The following ADGRV1 variants were observed in gnomAD, a reference collection of about 807,000 sequenced individuals.
The protein encoded by ADGRV1 is adhesion G protein-coupled receptor V1.
A neutral mutation model predicts 596.2 loss-of-function variants in ADGRV1; 359 were observed. The ratio of observed to expected loss-of-function variants is 0.60; its 90% CI spans 0.55 to 0.66. The LOEUF (loss-of-function observed/expected upper bound fraction) is 0.66. Ranked by LOEUF, ADGRV1 falls within the 30% of genes least tolerant of loss-of-function variation. The pLI, the probability that ADGRV1 is intolerant of heterozygous loss-of-function variation, is 0.00. For synonymous variants in ADGRV1, 2,681 were observed against 2,679.2 expected, an observed-to-expected ratio of 1.00 and a Z score of -0.02; for missense variants, 7,274 against 7,575.6, an observed-to-expected ratio of 0.96 and a Z score of 1.48.
intron 87 of ADGRV1, among the ~76,000 whole-genome samples, chr5:91,114,810 C>T (rs1283215422): frequency 1.3e-5 from 2 of 152,182 alleles, no homozygotes; most frequent in African/African-American, 4.8e-5. Flanking sequence ...CATAGCCTTT[C>T]CTCTCATGCA....
intron 37 of ADGRV1, among the ~76,000 whole-genome samples, 178 bp from the exon 38 acceptor site, chr5:90,706,053 A>T (rs1748548870): frequency 6.6e-6 from 1 of 152,146 alleles, no homozygotes; most frequent in Non-Finnish European, 1.5e-5. Flanking sequence ...CTTTTCCCAC[A>T]GTGAGACACC....
intron 85 of ADGRV1, among the ~76,000 whole-genome samples, chr5:91,044,689 A>C (rs962798567): frequency 1.6e-4 from 24 of 152,334 alleles, no homozygotes; most frequent in African/African-American, 5.5e-4. Context: ...ATGTCAAACA[A>C]AAATGAATTG....
chr5:90,601,102 G>A (rs1175753771), intron 1 of ADGRV1, among the ~76,000 whole-genome samples: 1 of 152,104 alleles, frequency 6.6e-6, no homozygotes, highest in Non-Finnish European at 1.5e-5. Flanking sequence ...GCCGGGCGTG[G>A]TGGTGCATGC....
At chr5:90,792,014 T>G (rs1760134457) in intron 70 of ADGRV1, 1 of 152,196 alleles carries the variant, frequency 6.6e-6, no homozygotes, top group African/African-American at 2.4e-5. Context: ...CATATCATCC[T>G]CTGTGCATGC....
chr5:91,088,505 G>T (rs1790085537), intron 86 of ADGRV1, among the ~76,000 whole-genome samples: 1 of 152,124 alleles, frequency 6.6e-6, no homozygotes, highest in South Asian at 2.1e-4. Context: ...TTGAATAGTG[G>T]AAATAGCTCC....
At position 91,042,853 on chromosome 5, in the gene ADGRV1, A is replaced by G. The variant is rs984287285; in HGVS notation, c.18153-29594A>G. On this transcript the variant is annotated intron_variant, in intron 85 of 89. Coordinates refer to ENST00000405460, the MANE Select transcript of ADGRV1 (RefSeq NM_032119.4). The stretch of plus-strand genomic sequence containing the variant: ...AAAGCAGCCTCCATGACAGTTTCAC[A>G]TGTGATTCAGAGTGCTGAAAGGGTT... 2.0e-5 allele frequency among the ~76,000 whole-genome samples: 3 copies of G among 152,146 alleles called. No homozygotes were observed. The East Asian group carries it at 5.8e-4, about 29-fold the overall frequency.
In ADGRV1 at chr5:90,724,926, T is replaced by C; in HGVS notation, c.9843T>C (p.Gly3281=). ...CFFTLENLIY[G]IMLRKSSVTV... is the part of the protein sequence containing the mutation. ...TTACTTTGGAAAATTTAATATATGG[T>C]ATAATGTTAAGAAAATCATCTGTTA... The change falls in exon 46 of 90, where the codon GGT becomes GGC. Residue 3281 remains glycine (G), a synonymous_variant. Transcript: ENST00000405460. 6.2e-7 allele frequency: 1 copy of C among 1,610,054 alleles called. No homozygotes were observed.
intron 9 of ADGRV1, among the ~76,000 whole-genome samples, chr5:90,631,862 AAAAC>A (rs1396892532): frequency 2.0e-5 from 3 of 152,210 alleles, no homozygotes; most frequent in Non-Finnish European, 4.4e-5. Flanking sequence ...ACTAAAAACA[AAAAC>A]AAACAAAAAA....
At chr5:90,672,519 C>T (rs1163492431) in intron 21 of ADGRV1, 27 bp from the exon 22 acceptor site, 1 of 1,585,428 alleles carries the variant, frequency 6.3e-7, no homozygotes, top group Admixed American at 1.7e-5. Flanking sequence ...TGCTATGCAC[C>T]TATTAATAAT....
At chr5:90,768,629 A>G (rs966402798) in intron 59 of ADGRV1, among the ~76,000 whole-genome samples, 1 of 152,182 alleles carries the variant, frequency 6.6e-6, no homozygotes, top group African/African-American at 2.4e-5. Flanking sequence ...GGAAATTCTC[A>G]CAATAATTCT....
chr5:90,594,703 C>T (rs1226385156), intron 1 of ADGRV1, among the ~76,000 whole-genome samples: 2 of 149,858 alleles, frequency 1.3e-5, no homozygotes, highest in East Asian at 3.9e-4. Flanking sequence ...AGCATGCTGC[C>T]TTCAAGCATC....
At chr5:90,785,746 A>T (rs1179662675) in intron 67 of ADGRV1, among the ~76,000 whole-genome samples, 1 of 152,206 alleles carries the variant, frequency 6.6e-6, no homozygotes, top group Non-Finnish European at 1.5e-5. Context: ...AAAAGTCAGG[A>T]AACAACAGAT....
intron 1 of ADGRV1, among the ~76,000 whole-genome samples, chr5:90,561,555 T>G (rs1754832396): frequency 6.6e-6 from 1 of 152,200 alleles, no homozygotes; most frequent in Non-Finnish European, 1.5e-5. Flanking sequence ...GGATGCAAAA[T>G]CCTTGAAGAC....
At chr5:90,957,348 T>A (rs1311612356) in intron 83 of ADGRV1, among the ~76,000 whole-genome samples, 1 of 151,950 alleles carries the variant, frequency 6.6e-6, no homozygotes, top group Non-Finnish European at 1.5e-5. Flanking sequence ...TTATTATTGT[T>A]GCTGTATTTC....
chr5:90,770,251 A>G (rs1029051716), intron 59 of ADGRV1, among the ~76,000 whole-genome samples: 2 of 151,984 alleles, frequency 1.3e-5, no homozygotes, highest in African/African-American at 4.8e-5. Flanking sequence ...TTATAAAACC[A>G]TCAAATCTTG....
intron 83 of ADGRV1, among the ~76,000 whole-genome samples, chr5:90,913,505 T>C (rs569125831): frequency 2.0e-5 from 3 of 152,370 alleles, no homozygotes; most frequent in Admixed American, 2.0e-4. Context: ...TAGTTTTAGA[T>C]TTAATGATTC....
intron 82 of ADGRV1, among the ~76,000 whole-genome samples, chr5:90,858,801 G>A (rs1767274169): frequency 6.6e-6 from 1 of 152,118 alleles, no homozygotes; most frequent in Non-Finnish European, 1.5e-5. Flanking sequence ...TATCCTCAAG[G>A]ATTTTTTTCC....
intron 56 of ADGRV1, 162 bp downstream of exon 56, chr5:90,756,792 A>G (rs1478274665): frequency 1.3e-6 from 1 of 753,250 alleles, no homozygotes. Flanking sequence ...AGACCAAAGG[A>G]TTCAACAAGT....
At chr5:91,050,078 C>A (rs1006455215) in intron 85 of ADGRV1, among the ~76,000 whole-genome samples, 1 of 152,166 alleles carries the variant, frequency 6.6e-6, no homozygotes, top group African/African-American at 2.4e-5. Context: ...ATTAACTATA[C>A]CAATCTGGGT....
Sources: allele counts gnomAD v4.1 joint callset (sites outside exome capture counted in the v4.1 genomes callset), GRCh38; gene constraint gnomAD v4.1.1; transcripts MANE v1.5; gene names NCBI Gene and HGNC (gene_info 2026-07-23, HGNC 2026-07-21).